Variants in GRIK2 observed in about 807,000 individuals in gnomAD.
GRIK2 encodes glutamate ionotropic receptor kainate type subunit 2.
Under a neutral mutation model 100.3 loss-of-function variants are expected in GRIK2, and 32 were observed. The observed-to-expected ratio is 0.32, with a 90% CI of 0.24 to 0.43. The LOEUF (loss-of-function observed/expected upper bound fraction) is 0.43. Among genes scored for constraint, GRIK2 ranks in the 20% least tolerant of loss-of-function variants. The probability of loss-of-function intolerance (pLI) is 1.00; values close to 1 mark genes in which losing one functional copy is unlikely to be tolerated. For missense variants in GRIK2, 843 were observed against 1,114.9 expected (o/e 0.76, Z 3.47); for synonymous variants, 417 against 389.4 (o/e 1.07, Z -0.83).
intron 2 of GRIK2, among the ~76,000 whole-genome samples, chr6:101,614,364 A>G (rs1779807150): frequency 6.6e-6 from 1 of 151,766 alleles, no homozygotes; most frequent in Admixed American, 6.6e-5. Flanking sequence ...AACACTCATA[A>G]GCACTTTGAT....
intron 2 of GRIK2, among the ~76,000 whole-genome samples, chr6:101,513,684 G>C (rs1021050633): frequency 4.6e-5 from 7 of 152,088 alleles, no homozygotes; most frequent in Non-Finnish European, 8.8e-5. Flanking sequence ...TTTGTGATTT[G>C]TAGGCCATGA....
At chr6:101,888,227 T>G (rs966546373) in intron 11 of GRIK2, among the ~76,000 whole-genome samples, 10 of 152,172 alleles carry the variant, frequency 6.6e-5, no homozygotes, top group African/African-American at 2.4e-4. Context: ...TAGGTATAGA[T>G]TCCCACACCT....
chr6:101,558,141 C>G (rs2248993), intron 2 of GRIK2, among the ~76,000 whole-genome samples: 120,494 of 152,082 alleles, frequency 0.79, 48,033 homozygotes, highest in African/African-American at 0.86. Flanking sequence ...TCTAAATAGC[C>G]AAATCTAGCT....
intron 7 of GRIK2, among the ~76,000 whole-genome samples, chr6:101,792,011 C>T (rs1157112496): frequency 6.6e-6 from 1 of 151,916 alleles, no homozygotes; most frequent in Non-Finnish European, 1.5e-5. Flanking sequence ...TCTGTTTTAT[C>T]AGAGACTAGG....
intron 9 of GRIK2, among the ~76,000 whole-genome samples, chr6:101,814,256 AAGTT>A (rs1018650880): frequency 2.0e-5 from 3 of 152,104 alleles, no homozygotes; most frequent in African/African-American, 7.2e-5. Flanking sequence ...GTAAGAGAAA[AAGTT>A]AGGACATTGA....
At chr6:101,457,292 A>G (rs1771059469) in intron 2 of GRIK2, among the ~76,000 whole-genome samples, 1 of 152,132 alleles carries the variant, frequency 6.6e-6, no homozygotes, top group Non-Finnish European at 1.5e-5. Context: ...AGGAATAAGC[A>G]TATGTTGATA....
At chr6:101,433,020 G>A (rs1047371227) in intron 2 of GRIK2, among the ~76,000 whole-genome samples, 22 of 152,134 alleles carry the variant, frequency 1.4e-4, no homozygotes, top group Admixed American at 1.4e-3. Flanking sequence ...CTCAGAGGTC[G>A]AGTGTTTGAG....
chr6:101,705,669 G>T (rs1013073483), intron 7 of GRIK2, among the ~76,000 whole-genome samples: 1 of 151,628 alleles, frequency 6.6e-6, no homozygotes, highest in Non-Finnish European at 1.5e-5. Flanking sequence ...AAATAGTGAC[G>T]GTTACTGCAA....
At chr6:102,038,873 T>C (rs1321849876) in intron 15 of GRIK2, among the ~76,000 whole-genome samples, 3 of 151,406 alleles carry the variant, frequency 2.0e-5, no homozygotes, top group African/African-American at 7.3e-5. Flanking sequence ...TAATATCCTA[T>C]ATGTGATCAA....
At chr6:101,418,869 T>A (rs1043177727) in intron 2 of GRIK2, among the ~76,000 whole-genome samples, 3 of 152,162 alleles carry the variant, frequency 2.0e-5, no homozygotes, top group African/African-American at 7.2e-5. Flanking sequence ...TTTTCTCTCA[T>A]TTATTTGAAA....
intron 2 of GRIK2, among the ~76,000 whole-genome samples, chr6:101,539,398 A>C (rs1368877270): frequency 6.6e-6 from 1 of 151,808 alleles, no homozygotes; most frequent in Non-Finnish European, 1.5e-5. Context: ...AAATGGAAGA[A>C]AGGAAGTAAT....
chr6:101,997,905 TA>T (rs1366950165), intron 14 of GRIK2, among the ~76,000 whole-genome samples: 1 of 152,106 alleles, frequency 6.6e-6, no homozygotes, highest in Non-Finnish European at 1.5e-5. Flanking sequence ...GCCAAGTAAC[TA>T]AAAAAATCTG....
intron 2 of GRIK2, among the ~76,000 whole-genome samples, chr6:101,614,908 G>T (rs559617750): frequency 6.6e-6 from 1 of 151,810 alleles, no homozygotes; most frequent in African/African-American, 2.4e-5. Context: ...GTCCTCAGTA[G>T]TAGTTACAAT....
rs538890425 is a variant in GRIK2, at chr6:101,529,485, A to G, written c.116-92464A>G. Reference sequence around the variant, plus strand: ...TACTAGATAATTTAGGATAAGTTACATAATTTATTTGAGCATTTACAAATA... The same window carrying G: ...TACTAGATAATTTAGGATAAGTTACGTAATTTATTTGAGCATTTACAAATA... On this transcript the variant is annotated intron_variant, in intron 2 of 16. Transcript: ENST00000369134. 1.4e-4 allele frequency among the ~76,000 whole-genome samples: 21 copies of G among 152,246 alleles called. No homozygotes were observed. The South Asian group carries it at 4.4e-3, about 32-fold the overall frequency.
In GRIK2 at chr6:101,604,950, A is replaced by C. The variant is rs193141363; in HGVS notation, c.116-16999A>C. Among the ~76,000 whole-genome samples the C allele has an allele frequency of 3.9e-5, 6 of 152,100 alleles. No individual in the cohort carries two copies. In the East Asian group the frequency reaches 9.7e-4, roughly 25 times the overall value. ...AGAAACGACAAGAACAATATAGTAA[A>C]ATGGGAAGGATTTACCCTTGCTAAT... is the stretch of plus-strand genomic sequence containing the variant. On this transcript the variant is annotated intron_variant, in intron 2 of 16. Transcript: ENST00000369134.
chr6:101,970,125 T>A (rs1313445574), intron 14 of GRIK2, among the ~76,000 whole-genome samples: 1 of 151,982 alleles, frequency 6.6e-6, no homozygotes, highest in Non-Finnish European at 1.5e-5. Context: ...GAGATTTTCC[T>A]CAATAAAAAT....
intron 11 of GRIK2, among the ~76,000 whole-genome samples, chr6:101,884,391 T>C (rs895791341): frequency 6.6e-6 from 1 of 152,160 alleles, no homozygotes; most frequent in African/African-American, 2.4e-5. Context: ...TTTAGAAGTA[T>C]GCATAAGATG....
intron 16 of GRIK2, among the ~76,000 whole-genome samples, chr6:102,064,224 T>C (rs1014230255): frequency 2.0e-5 from 3 of 150,942 alleles, no homozygotes; most frequent in Non-Finnish European, 4.5e-5. Context: ...CTCTTTCTTC[T>C]TCCCTCCAGC....
At chr6:101,631,549 T>C (rs986703132) in intron 4 of GRIK2, among the ~76,000 whole-genome samples, 6 of 152,200 alleles carry the variant, frequency 3.9e-5, no homozygotes, top group African/African-American at 1.4e-4. Context: ...AAAACAATTC[T>C]GTGTGTCCCA....
Sources: gnomAD v4.1 joint callset for allele counts (sites outside exome capture counted in the v4.1 genomes callset) on GRCh38, gnomAD v4.1.1 for gene constraint, MANE v1.5 for transcripts, NCBI Gene and HGNC (gene_info 2026-07-23, HGNC 2026-07-21) for gene names.